EVL: variants seen among roughly 807,000 people sequenced by gnomAD.
EVL encodes the protein Enah/Vasp-like.
In EVL, 21 loss-of-function variants were observed where a neutral mutation model predicts 59.6. The ratio of observed to expected loss-of-function variants is 0.35; its 90% CI spans 0.25 to 0.51. The LOEUF is 0.51. EVL is among the 20% of genes least tolerant of loss of function. The pLI is 0.97. For missense variants in EVL, 462 were observed against 546.6 expected (o/e 0.85, Z 1.54); for synonymous variants, 198 against 203.5 (o/e 0.97, Z 0.23).
At position 100,128,609 on chromosome 14, in the gene EVL, CACCT is replaced by C; in HGVS notation, c.579_582del (p.Pro194HisfsTer35). 6.8e-7 allele frequency: 1 copy of C among 1,475,896 alleles called. No individual in the cohort carries two copies. Among genetic ancestry groups the C allele is most frequent in the Non-Finnish European group, 9.2e-7 (1 of 1,088,978 alleles). 91.4% of individuals were successfully genotyped at this position (1,475,896 alleles called of 1,614,324 possible). On this transcript the variant is annotated frameshift_variant, in exon 6 of 14. Coordinates refer to ENST00000392920, the MANE Select transcript of EVL (RefSeq NM_016337.3). LOFTEE classifies it high-confidence loss of function. ...CCACCGCCCCCCCCACCCCCAGTCCCACCTCCACCCACTGGGGCTACCCCACCTC... is the reference window on the plus strand; with the variant it reads ...CCACCGCCCCCCCCACCCCCAGTCCCCCACCCACTGGGGCTACCCCACCTC...
intron 1 of EVL, among the ~76,000 whole-genome samples, chr14:99,986,321 A>G (rs2060840296): frequency 6.7e-6 from 1 of 150,288 alleles, no homozygotes; most frequent in African/African-American, 2.4e-5. Context: ...AATCAAATGT[A>G]TCCACTGGCA....
chr14:100,044,269 A>G (rs1396491745), intron 1 of EVL, among the ~76,000 whole-genome samples: 3 of 152,248 alleles, frequency 2.0e-5, no homozygotes, highest in Non-Finnish European at 4.4e-5. Context: ...ATAGTATACA[A>G]GAAACTCATG....
At chr14:100,094,596 G>C (rs1885673288) in intron 2 of EVL, among the ~76,000 whole-genome samples, 1 of 151,638 alleles carries the variant, frequency 6.6e-6, no homozygotes, top group South Asian at 2.1e-4. Flanking sequence ...AAAAAAAATT[G>C]GATGGGGCAT....
At chr14:99,992,378 TA>T (rs1361612227) in intron 1 of EVL, among the ~76,000 whole-genome samples, 2 of 151,986 alleles carry the variant, frequency 1.3e-5, no homozygotes, top group Admixed American at 1.3e-4. Flanking sequence ...GATTTGCAAA[TA>T]TTTTTTCCCA....
At chr14:99,990,662 C>T (rs1030098194) in intron 1 of EVL, among the ~76,000 whole-genome samples, 3 of 152,134 alleles carry the variant, frequency 2.0e-5, no homozygotes, top group African/African-American at 7.2e-5. Context: ...CATGTTGTAG[C>T]ATGTGATCAG....
At chr14:100,102,675 C>T (rs925696778) in intron 3 of EVL, among the ~76,000 whole-genome samples, 9 of 152,282 alleles carry the variant, frequency 5.9e-5, no homozygotes, top group African/African-American at 1.2e-4. Flanking sequence ...GGAGGGTTGG[C>T]GTTTTTCTCC....
At chr14:99,990,877 G>C (rs1454111994) in intron 1 of EVL, among the ~76,000 whole-genome samples, 1 of 152,034 alleles carries the variant, frequency 6.6e-6, no homozygotes, top group Non-Finnish European at 1.5e-5. Flanking sequence ...ACCCGGAAAT[G>C]GTTCTGGATA....
chr14:100,137,279 G>A (rs952799320), intron 9 of EVL: 15 of 461,516 alleles, frequency 3.3e-5, no homozygotes, highest in East Asian at 2.4e-4. Flanking sequence ...CGGGGAGGTC[G>A]TGCTTGCTCG....
intron 2 of EVL, among the ~76,000 whole-genome samples, chr14:100,086,473 T>C (rs2062445871): frequency 6.6e-6 from 1 of 152,230 alleles, no homozygotes; most frequent in Non-Finnish European, 1.5e-5. Flanking sequence ...CATAAGTGAT[T>C]GCTTTTATTA....
intron 1 of EVL, among the ~76,000 whole-genome samples, chr14:100,060,152 C>T (rs544487205): frequency 2.6e-5 from 4 of 151,226 alleles, no homozygotes; most frequent in East Asian, 3.9e-4. Context: ...TGCCCAGTGC[C>T]GGGCGCGGTG....
At chr14:100,058,445 C>T (rs922317603) in intron 1 of EVL, among the ~76,000 whole-genome samples, 1 of 152,158 alleles carries the variant, frequency 6.6e-6, no homozygotes, top group African/African-American at 2.4e-5. Context: ...GTACCTACTA[C>T]CTAAGCAGTA....
intron 1 of EVL, among the ~76,000 whole-genome samples, chr14:100,058,123 A>G (rs2061763532): frequency 6.6e-6 from 1 of 152,234 alleles, no homozygotes; most frequent in South Asian, 2.1e-4. Context: ...AAGAAAGTTG[A>G]CTTTCCCAAG....
rs377492256 is a variant in EVL at position 99,985,353 on chromosome 14, G to A, written c.5+13296G>A. On this transcript the variant is annotated intron_variant, in intron 1 of 13. Transcript: ENST00000402714. ...GGGGAACTGGCAGGATTTTGACTGG[G>A]CTTATCTTCTGTTTTGGTTCTTCAC... 1.1e-4 allele frequency among the ~76,000 whole-genome samples: 17 copies of A among 152,082 alleles called. 1 individual carries two copies. In the East Asian group the frequency reaches 1.9e-3, roughly 17 times the overall value.
At chr14:100,058,212 C>T (rs1369191828) in intron 1 of EVL, among the ~76,000 whole-genome samples, 1 of 152,214 alleles carries the variant, frequency 6.6e-6, no homozygotes, top group Non-Finnish European at 1.5e-5. Flanking sequence ...TTTCAGCCCA[C>T]TCTGCCTTCT....
chr14:100,069,871 T>A (rs1328733803), intron 1 of EVL, among the ~76,000 whole-genome samples: 2 of 152,062 alleles, frequency 1.3e-5, no homozygotes, highest in East Asian at 3.8e-4. Context: ...TTACATGATA[T>A]ACATACTATT....
At position 100,109,243 on chromosome 14, in the gene EVL, C is replaced by T. The variant is rs2140341191; in HGVS notation, c.358+11585C>T. Among the ~76,000 whole-genome samples the T allele has an allele frequency of 6.6e-6, 1 of 152,360 alleles. No individual in the cohort carries two copies. Among genetic ancestry groups the T allele is most frequent in the African/African-American group, 2.4e-5 (1 of 41,598 alleles). On this transcript the variant is annotated intron_variant, in intron 3 of 13. Coordinates refer to ENST00000392920, the MANE Select transcript of EVL (RefSeq NM_016337.3). The surrounding 1 kb of genome is among the most constrained non-coding windows in gnomAD (Gnocchi z 4.3). ...TTCTCTTGTCCTTCTTCAGTCTGTC[C>T]TCCCTGGGCTGCGTCTAAAGGGGCC...
intron 2 of EVL, among the ~76,000 whole-genome samples, chr14:100,092,457 A>G (rs2062585364): frequency 6.6e-6 from 1 of 152,162 alleles, no homozygotes. Flanking sequence ...GAATTCAGCC[A>G]GACTCAGTGG....
At chr14:100,137,222 G>A in intron 9 of EVL, 1 of 316,540 alleles carries the variant, frequency 3.2e-6, no homozygotes, top group East Asian at 6.1e-5. Context: ...GGGCCGAGGG[G>A]CCTGGCCGCC....
chr14:100,095,042 AAAAACAAAAC>A (rs898015508), intron 2 of EVL, among the ~76,000 whole-genome samples: 1 of 152,234 alleles, frequency 6.6e-6, no homozygotes, highest in Non-Finnish European at 1.5e-5. Context: ...CTCCGTCTAA[AAAAACAAAAC>A]AAAACAAAAC....
Sources: allele counts gnomAD v4.1 joint callset (sites outside exome capture counted in the v4.1 genomes callset), GRCh38; gene constraint gnomAD v4.1.1; non-coding constraint Gnocchi (gnomAD v3.1); transcripts MANE v1.5; gene names NCBI Gene and HGNC (gene_info 2026-07-23, HGNC 2026-07-21).